The following PYCR1 variants were observed in gnomAD, a reference collection of about 807,000 sequenced individuals.
PYCR1 encodes the protein pyrroline-5-carboxylate reductase 1, mitochondrial.
Under a neutral mutation model 22.9 loss-of-function variants are expected in PYCR1, and 19 were observed. The ratio of observed to expected loss-of-function variants is 0.83; its 90% CI spans 0.58 to 1.22. The LOEUF is 1.22. Among genes scored for constraint, PYCR1 ranks in the 50% most tolerant of loss-of-function variants. The pLI is 0.00. For synonymous variants in PYCR1, 175 were observed against 180.5 expected, an observed-to-expected ratio of 0.97 and a Z score of 0.24; for missense variants, 429 against 431.3, an observed-to-expected ratio of 0.99 and a Z score of 0.05.
At chr17:81,936,449 T>C (rs894889291) in intron 1 of PYCR1, among the ~76,000 whole-genome samples, 3 of 152,106 alleles carry the variant, frequency 2.0e-5, no homozygotes, top group Non-Finnish European at 4.4e-5. Flanking sequence ...ATGGTCTCGA[T>C]CTCCTGACCT....
Position 81,935,100 on chromosome 17 carries a change from G to C in PYCR1, c.366C>G (p.Thr122=), listed in dbSNP as rs2041141512. The change falls in exon 4 of 7, where the codon ACC becomes ACG. Residue 122 remains threonine, a synonymous_variant. Coordinates refer to ENST00000329875, the MANE Select transcript of PYCR1 (RefSeq NM_006907.4). ...RPAPRVIRCM[T]NTPVVVREGA... The stretch of plus-strand genomic sequence containing the variant: ...CCTCCCGCACCACGACTGGAGTGTT[G>C]GTCATGCAGCGGATGACCCTGGGGG... The C allele has an allele frequency of 6.2e-7, 1 of 1,610,330 alleles. No homozygotes were observed. Among genetic ancestry groups the C allele is most frequent in the Non-Finnish European group, 8.5e-7 (1 of 1,179,962 alleles).
Position 81,937,292 on chromosome 17 carries a change from C to G in PYCR1, c.-478G>C, listed in dbSNP as rs937963985. The G allele has an allele frequency of 9.1e-7, 1 of 1,104,770 alleles. No homozygotes were observed. Among genetic ancestry groups the G allele is most frequent in the Non-Finnish European group, 1.2e-6 (1 of 869,384 alleles). 68.4% of individuals were successfully genotyped at this position (1,104,770 alleles called of 1,614,324 possible). On this transcript the variant is annotated 5_prime_UTR_variant, in exon 1 of 7. Coordinates refer to ENST00000329875, the MANE Select transcript of PYCR1 (RefSeq NM_006907.4). ...AGCGCTGCGGCCGCCACGCGGCACC[C>G]GCACCCAGGCCCCGCCCCCGTCGCG...
Position 81,932,817 on chromosome 17 carries a change from G to A in PYCR1, c.*397C>T, listed in dbSNP as rs529491261. ...CCTGAATGGAGGGCAGGGAGGGGCC[G>A]GGAGGGGGCGTGGGATCCCACCTCT... On this transcript the variant is annotated 3_prime_UTR_variant, in exon 7 of 7. Coordinates refer to ENST00000329875, the MANE Select transcript of PYCR1 (RefSeq NM_006907.4). The A allele has an allele frequency of 2.0e-4, 309 of 1,557,148 alleles. 1 individual carries two copies. The African/African-American group carries it at 2.5e-3, about 13-fold the overall frequency.
chr17:81,933,018 C>T lies in PYCR1; in HGVS notation c.*196G>A. 6.3e-7 allele frequency: 1 copy of T among 1,582,910 alleles called. No individual in the cohort carries two copies. The highest frequency in any genetic ancestry group is 8.6e-7 in the Non-Finnish European group (1 of 1,167,620). On this transcript the variant is annotated 3_prime_UTR_variant, in exon 7 of 7. Coordinates refer to ENST00000329875, the MANE Select transcript of PYCR1 (RefSeq NM_006907.4). ...GAGGTTGAGGTTGGGGAATCCACCC[C>T]TGTTCTGGGCTGGGAAGCACTTGCA... is the stretch of plus-strand genomic sequence containing the variant.
At chr17:81,935,776 C>T (rs1007465626) in intron 2 of PYCR1, among the ~76,000 whole-genome samples, 7 of 152,204 alleles carry the variant, frequency 4.6e-5, no homozygotes, top group African/African-American at 1.4e-4. Context: ...CTGGGACTGC[C>T]GTCCTCCAGA....
Position 81,932,862 on chromosome 17 carries a change from G to C in PYCR1, c.*352C>G, listed in dbSNP as rs149456432. On this transcript the variant is annotated 3_prime_UTR_variant, in exon 7 of 7. Coordinates refer to ENST00000329875, the MANE Select transcript of PYCR1 (RefSeq NM_006907.4). ...ACCTCTGCTGAGCCTTCACAGAGGG[G>C]GTCCTTGACCTTTGCTCTCAGGAAG... The C allele has an allele frequency of 1.6e-3, 2,547 of 1,602,872 alleles. 4 individuals carry two copies. Among genetic ancestry groups the C allele is most frequent in the Non-Finnish European group, 2.0e-3 (2,346 of 1,175,472 alleles).
rs1465411867 is a variant in PYCR1, at chr17:81,937,245, G to A, written c.-431C>T. ...AGCCCGACCCCAACCCAGCTACCGT[G>A]CGCGGGTCGTACCCACCCCTCAGCG... is the stretch of plus-strand genomic sequence containing the variant. On this transcript the variant is annotated 5_prime_UTR_variant, in exon 1 of 7. Transcript: ENST00000329875. 1 of 1,404,626 alleles carries A rather than the reference G, an allele frequency of 7.1e-7. No individual in the cohort carries two copies. The highest frequency in any genetic ancestry group is 9.3e-7 in the Non-Finnish European group (1 of 1,080,336). 87.0% of individuals were successfully genotyped at this position (1,404,626 alleles called of 1,614,324 possible).
rs960877059 is a variant in PYCR1, at chr17:81,937,159, C to G, written c.-345G>C. The G allele has an allele frequency of 6.9e-7, 1 of 1,442,646 alleles. No homozygotes were observed. The highest frequency in any genetic ancestry group is 9.1e-7 in the Non-Finnish European group (1 of 1,103,332). The allele number at this position is 1,442,646 out of a possible 1,614,324, so 89.4% of individuals were successfully genotyped here. On this transcript the variant is annotated 5_prime_UTR_variant, in exon 1 of 7. Coordinates refer to ENST00000329875, the MANE Select transcript of PYCR1 (RefSeq NM_006907.4). ...TAGGGGTCCCCCGTCTGGGTTCCCACCCCGCCCAGAACTGGGCTACCGTCG... is the reference window on the plus strand; with the variant it reads ...TAGGGGTCCCCCGTCTGGGTTCCCAGCCCGCCCAGAACTGGGCTACCGTCG...
chr17:81,934,221 G>C (rs767204134), intron 6 of PYCR1, 105 bp downstream of exon 6: 2 of 1,513,762 alleles, frequency 1.3e-6, no homozygotes, highest in South Asian at 2.4e-5. Flanking sequence ...CTGGGCTGGA[G>C]CTCAATACGT....
rs568446273 is a variant in PYCR1 at position 81,936,265 on chromosome 17, G to A, written c.68-72C>T. The A allele has an allele frequency of 3.6e-4, 539 of 1,480,340 alleles. No homozygotes were observed. The African/African-American group carries it at 7.1e-3, about 20-fold the overall frequency. The allele number at this position is 1,480,340 out of a possible 1,614,324, so 91.7% of individuals were successfully genotyped here. ...TTTTGAGACGGAGTCTCGCTGTGTTGCCCAGGCTGGAGTGCAGTGGCGCAA... is the reference window on the plus strand; with the variant it reads ...TTTTGAGACGGAGTCTCGCTGTGTTACCCAGGCTGGAGTGCAGTGGCGCAA... On this transcript the variant is annotated intron_variant, in intron 1 of 6. Coordinates refer to ENST00000329875, the MANE Select transcript of PYCR1 (RefSeq NM_006907.4).
chr17:81,935,608 T>TG, intron 2 of PYCR1, 92 bp from the exon 3 acceptor site: 1 of 707,802 alleles, frequency 1.4e-6, no homozygotes, highest in Non-Finnish European at 2.2e-6. Flanking sequence ...GCACAGAGAA[T>TG]GCTGGAGTTG....
chr17:81,935,606 AATGC>A, intron 2 of PYCR1, 90 bp from the exon 3 acceptor site: 2 of 1,173,308 alleles, frequency 1.7e-6, no homozygotes, highest in Non-Finnish European at 1.2e-6. Flanking sequence ...TGGCACAGAG[AATGC>A]TGGAGTTGGG....
At chr17:81,936,662 A>ACCCACCTTCAGCCCCCAGCC in intron 1 of PYCR1, 86 bp downstream of exon 1, 1 of 1,445,862 alleles carries the variant, frequency 6.9e-7, no homozygotes, top group Non-Finnish European at 9.5e-7. Flanking sequence ...GTGACCCAGC[A>ACCCACCTTCAGCCCCCAGCC]CCCACCTTCA....
chr17:81,934,750 G>A lies in PYCR1; in HGVS notation c.541-5C>T, dbSNP rs1026361903. ...GGCATCCAGGGCTGTGAATGCCTGT[G>A]GGGAGAAGGCACCCTGAGCCTCTCT... On this transcript the variant is annotated splice_region_variant and splice_polypyrimidine_tract_variant and intron_variant, in intron 4 of 6. Transcript: ENST00000329875. 9.7e-6 allele frequency: 15 copies of A among 1,552,316 alleles called. No individual in the cohort carries two copies. Among genetic ancestry groups the A allele is most frequent in the African/African-American group, 1.4e-5 (1 of 73,104 alleles).
chr17:81,935,530 A>T lies in PYCR1; in HGVS notation c.139-14T>A. The T allele has an allele frequency of 6.5e-7, 1 of 1,531,720 alleles. No homozygotes were observed. The highest frequency in any genetic ancestry group is 1.4e-5 in the African/African-American group (1 of 72,742). The allele number at this position is 1,531,720 out of a possible 1,614,324, so 94.9% of individuals were successfully genotyped here. On this transcript the variant is annotated splice_polypyrimidine_tract_variant and intron_variant, in intron 2 of 6. Coordinates refer to ENST00000329875, the MANE Select transcript of PYCR1 (RefSeq NM_006907.4). ...CACCCCCATCTTCTGCAGGGGCAAC[A>T]GGTGGGCTCAGCCTGGTCCCGTGGC...
At chr17:81,936,032 C>T in intron 2 of PYCR1, 91 bp downstream of exon 2, 1 of 1,443,300 alleles carries the variant, frequency 6.9e-7, no homozygotes, top group South Asian at 1.1e-5. Context: ...CCCCTGCCCT[C>T]ACTGGGGTGG....
In PYCR1 at chr17:81,935,106, G is replaced by T; in HGVS notation, c.360C>A (p.Cys120Ter). 1 of 1,610,114 alleles carries T rather than the reference G, an allele frequency of 6.2e-7. No individual in the cohort carries two copies. Among genetic ancestry groups the T allele is most frequent in the Non-Finnish European group, 8.5e-7 (1 of 1,179,976 alleles). ...GCACCACGACTGGAGTGTTGGTCAT[G>T]CAGCGGATGACCCTGGGGGCTGGCC... ...AFRPAPRVIR[C>*]MTNTPVVVRE... is the part of the protein sequence containing the mutation. Residue 120 changes from cysteine to a stop codon, truncating the protein, a stop_gained, in exon 4 of 7, where the codon TGC becomes TGA. Coordinates refer to ENST00000329875, the MANE Select transcript of PYCR1 (RefSeq NM_006907.4). LOFTEE classifies it high-confidence loss of function.
chr17:81,933,096 C>T lies in PYCR1; in HGVS notation c.*118G>A, dbSNP rs1224569638. 1 of 1,595,772 alleles carries T rather than the reference C, an allele frequency of 6.3e-7. No individual in the cohort carries two copies. ...ATGTGGCCCCTCCCTGGCTATGTCC[C>T]TGGCTGGCCCCTGCGCTGATCAGAG... On this transcript the variant is annotated 3_prime_UTR_variant, in exon 7 of 7. Coordinates refer to ENST00000329875, the MANE Select transcript of PYCR1 (RefSeq NM_006907.4).
chr17:81,935,033 C>T lies in PYCR1; in HGVS notation c.433G>A (p.Asp145Asn), dbSNP rs200446376. The T allele has an allele frequency of 8.0e-5, 129 of 1,610,504 alleles. No homozygotes were observed. The highest frequency in any genetic ancestry group is 6.9e-5 in the Non-Finnish European group (81 of 1,180,016). The change falls in exon 4 of 7, where the codon GAC becomes AAC. Residue 145 changes from aspartate (D) to asparagine (N), a missense_variant. Asp to Asn is a conservative substitution (Grantham distance 23). Coordinates refer to ENST00000329875, the MANE Select transcript of PYCR1 (RefSeq NM_006907.4). ...AGCAGCTGCTCCATGAGCCTCCCGTCCTCCACCTGGGCGTGCGTGCCTGTG... is the reference window on the plus strand; with the variant it reads ...AGCAGCTGCTCCATGAGCCTCCCGTTCTCCACCTGGGCGTGCGTGCCTGTG... ...YATGTHAQVE[D>N]GRLMEQLLSS...
Sources: gnomAD v4.1 joint callset for allele counts (sites outside exome capture counted in the v4.1 genomes callset) on GRCh38, gnomAD v4.1.1 for gene constraint, MANE v1.5 for transcripts, NCBI Gene and HGNC (gene_info 2026-07-23, HGNC 2026-07-21) for gene names.